Variants in PACRG observed in about 807,000 individuals in gnomAD.
The protein encoded by PACRG is parkin coregulated gene protein.
Under a neutral mutation model 29.7 loss-of-function variants are expected in PACRG, and 29 were observed. The ratio of observed to expected loss-of-function variants is 0.98; its 90% CI spans 0.73 to 1.33. PACRG has a LOEUF of 1.33. Ranked by LOEUF, PACRG falls within the 40% of genes most tolerant of loss-of-function variation. The probability of loss-of-function intolerance (pLI) is 0.00; values close to 1 mark genes in which losing one functional copy is unlikely to be tolerated. For synonymous variants in PACRG, 116 were observed against 118.7 expected (o/e 0.98, Z 0.15); for missense variants, 279 against 316.2 (o/e 0.88, Z 0.89).
intron 2 of PACRG, among the ~76,000 whole-genome samples, chr6:162,913,078 G>A (rs917061380): frequency 6.6e-6 from 1 of 152,172 alleles, no homozygotes; most frequent in Admixed American, 6.5e-5. Context: ...TAAGCCTTTA[G>A]GCTTATTTGT....
intron 1 of PACRG, among the ~76,000 whole-genome samples, chr6:162,742,489 A>G (rs980115133): frequency 3.3e-5 from 5 of 152,172 alleles, no homozygotes; most frequent in Non-Finnish European, 5.9e-5. Flanking sequence ...AGGAGAATGG[A>G]CTAATACAAC....
intron 4 of PACRG, among the ~76,000 whole-genome samples, chr6:163,265,038 G>A (rs1562346749): frequency 6.6e-6 from 1 of 152,194 alleles, no homozygotes. Flanking sequence ...AAAGTGCTTT[G>A]AGGACTAGTA....
At chr6:163,090,608 CTTAT>C (rs1299529448) in intron 4 of PACRG, among the ~76,000 whole-genome samples, 6 of 152,122 alleles carry the variant, frequency 3.9e-5, no homozygotes, top group African/African-American at 7.2e-5. Flanking sequence ...TTGGAAAATA[CTTAT>C]TTAAACAGTC....
chr6:163,291,365 C>T (rs79566537), intron 4 of PACRG, among the ~76,000 whole-genome samples: 30 of 143,320 alleles, frequency 2.1e-4, no homozygotes, highest in Middle Eastern at 3.7e-3. Flanking sequence ...CCCCTCTGCC[C>T]GCCAGAGCTG....
intron 2 of PACRG, among the ~76,000 whole-genome samples, chr6:162,973,181 T>C (rs1184033468): frequency 6.6e-6 from 1 of 152,160 alleles, no homozygotes; most frequent in Non-Finnish European, 1.5e-5. Context: ...ACAGCATAAG[T>C]CCAACATCAG....
At chr6:163,145,904 G>A (rs1205663) in intron 4 of PACRG, among the ~76,000 whole-genome samples, 48,383 of 152,026 alleles carry the variant, frequency 0.32, 8,069 homozygotes, top group East Asian at 0.55. Context: ...GATGAGAGGC[G>A]GTGAGGAGAG....
chr6:163,184,437 G>A (rs1160647959), intron 4 of PACRG, among the ~76,000 whole-genome samples: 4 of 152,160 alleles, frequency 2.6e-5, no homozygotes, highest in Non-Finnish European at 5.9e-5. Flanking sequence ...AAATTATGGT[G>A]AAATTTTCAG....
chr6:163,037,450 G>A (rs749991115), intron 2 of PACRG, among the ~76,000 whole-genome samples: 31 of 152,146 alleles, frequency 2.0e-4, no homozygotes, highest in Admixed American at 1.2e-3. Context: ...CCTGTCTTTG[G>A]TCTGTTCTCT....
chr6:162,770,221 G>C (rs1480326210), intron 1 of PACRG, among the ~76,000 whole-genome samples: 6 of 152,042 alleles, frequency 3.9e-5, no homozygotes, highest in Non-Finnish European at 8.8e-5. Context: ...ATTCCACCAG[G>C]TATCCTTTTC....
chr6:162,981,605 T>G (rs1802441253), intron 2 of PACRG, among the ~76,000 whole-genome samples: 1 of 152,036 alleles, frequency 6.6e-6, no homozygotes, highest in Non-Finnish European at 1.5e-5. Flanking sequence ...GGAATTTCAT[T>G]GAATTTGTAA....
chr6:162,898,813 A>G (rs897722788), intron 2 of PACRG, among the ~76,000 whole-genome samples: 5 of 152,254 alleles, frequency 3.3e-5, no homozygotes, highest in Non-Finnish European at 7.3e-5. Flanking sequence ...ATTTTGAACT[A>G]AAAATTGTGA....
At chr6:162,901,639 G>A (rs560437346) in intron 2 of PACRG, among the ~76,000 whole-genome samples, 20 of 152,192 alleles carry the variant, frequency 1.3e-4, no homozygotes, top group Non-Finnish European at 2.2e-4. Flanking sequence ...AAATCCTGTG[G>A]CACCGCCTTT....
chr6:162,865,228 T>C (rs1206963572), intron 2 of PACRG, among the ~76,000 whole-genome samples: 3 of 152,194 alleles, frequency 2.0e-5, no homozygotes, highest in Non-Finnish European at 4.4e-5. Flanking sequence ...CTGAATGCTA[T>C]TTGAGATATA....
chr6:163,285,278 G>T (rs1043419232), intron 4 of PACRG, among the ~76,000 whole-genome samples: 2 of 151,408 alleles, frequency 1.3e-5, no homozygotes, highest in African/African-American at 2.4e-5. Flanking sequence ...CCTTCTCTTT[G>T]CCTGTGATCC....
At chr6:162,738,946 C>T (rs1477219886) in intron 1 of PACRG, among the ~76,000 whole-genome samples, 1 of 152,036 alleles carries the variant, frequency 6.6e-6, no homozygotes, top group Admixed American at 6.6e-5. Context: ...ACTGAGGGTC[C>T]GTTAGGTTTC....
intron 4 of PACRG, among the ~76,000 whole-genome samples, chr6:163,138,516 A>G (rs1817027816): frequency 1.3e-5 from 2 of 152,196 alleles, no homozygotes. Flanking sequence ...TCCACCTCAG[A>G]TCATTAAGCA....
chr6:162,988,053 G>T (rs918528377), intron 2 of PACRG, among the ~76,000 whole-genome samples: 1 of 152,214 alleles, frequency 6.6e-6, no homozygotes, highest in Non-Finnish European at 1.5e-5. Flanking sequence ...GGAATTTGCA[G>T]TGGCATGCCA....
At chr6:162,727,360 T>G, upstream of PACRG, 3 of 399,488 alleles carry the variant, frequency 7.5e-6, no homozygotes, top group South Asian at 3.4e-5. Context: ...CCCCACACGG[T>G]CCGGGGGACC....
chr6:163,205,753 C>G (rs903013374), intron 4 of PACRG, among the ~76,000 whole-genome samples: 1 of 152,076 alleles, frequency 6.6e-6, no homozygotes, highest in Non-Finnish European at 1.5e-5. Flanking sequence ...GCAAAGGAAA[C>G]CATTGACAGA....
Sources: gnomAD v4.1 joint callset for allele counts (sites outside exome capture counted in the v4.1 genomes callset) on GRCh38, gnomAD v4.1.1 for gene constraint, MANE v1.5 for transcripts, NCBI Gene and HGNC (gene_info 2026-07-23, HGNC 2026-07-21) for gene names.